RAB28: variants seen among roughly 807,000 people sequenced by gnomAD.
RAB28 encodes RAB28, member RAS oncogene family.
Under a neutral mutation model 31.7 loss-of-function variants are expected in RAB28, and 24 were observed. The observed-to-expected ratio is 0.76, with a 90% CI of 0.55 to 1.06. The LOEUF (loss-of-function observed/expected upper bound fraction) is 1.06. Among genes scored for constraint, RAB28 ranks in the 50% least tolerant of loss-of-function variants. The probability of loss-of-function intolerance (pLI) is 0.00; values close to 1 mark genes in which losing one functional copy is unlikely to be tolerated. For synonymous variants in RAB28, 100 were observed against 90.4 expected (o/e 1.11, Z -0.60); for missense variants, 254 against 258.5 (o/e 0.98, Z 0.12).
chr4:13,409,914 G>T (rs1166884769), intron 4 of RAB28, among the ~76,000 whole-genome samples: 2 of 152,166 alleles, frequency 1.3e-5, no homozygotes, highest in East Asian at 3.9e-4. Flanking sequence ...GTGATCCTGA[G>T]TGCTGGAGGT....
intron 1 of RAB28, among the ~76,000 whole-genome samples, chr4:13,480,405 T>A (rs2108978081): frequency 6.6e-6 from 1 of 152,046 alleles, no homozygotes; most frequent in Admixed American, 6.5e-5. Flanking sequence ...ACTAAGCTTT[T>A]ATGCTCTTCA....
chr4:13,398,777 C>CA (rs869245506), intron 4 of RAB28, among the ~76,000 whole-genome samples: 898 of 74,646 alleles, frequency 0.012, 4 homozygotes, highest in Admixed American at 0.022. Context: ...GACTCCGTTT[C>CA]AAAAAAAAAA....
intron 4 of RAB28, among the ~76,000 whole-genome samples, chr4:13,445,780 A>T (rs1180921824): frequency 6.6e-6 from 1 of 152,058 alleles, no homozygotes; most frequent in African/African-American, 2.4e-5. Flanking sequence ...CTCCTGTATG[A>T]AGTGTCTGTG....
chr4:13,444,027 T>C (rs1418518991), intron 4 of RAB28, among the ~76,000 whole-genome samples: 1 of 151,588 alleles, frequency 6.6e-6, no homozygotes, highest in Non-Finnish European at 1.5e-5. Context: ...CCTTTTTTTT[T>C]TTTTTTCTTT....
chr4:13,426,785 T>A (rs1463918085), intron 4 of RAB28, among the ~76,000 whole-genome samples: 27 of 152,164 alleles, frequency 1.8e-4, no homozygotes, highest in Admixed American at 1.8e-3. Context: ...ATCAAAACAT[T>A]TGGCTGACCT....
intron 4 of RAB28, among the ~76,000 whole-genome samples, chr4:13,409,331 A>C (rs548838812): frequency 9.2e-5 from 14 of 152,320 alleles, no homozygotes; most frequent in African/African-American, 2.9e-4. Flanking sequence ...TAGGCGGTAC[A>C]TTATAATTGA....
intron 4 of RAB28, among the ~76,000 whole-genome samples, chr4:13,428,574 T>C (rs536795199): frequency 3.3e-5 from 5 of 152,148 alleles, no homozygotes; most frequent in Admixed American, 2.6e-4. Context: ...AGAATGCAGA[T>C]GAAATAATCA....
intron 4 of RAB28, among the ~76,000 whole-genome samples, chr4:13,409,565 G>A (rs1712303869): frequency 6.6e-6 from 1 of 152,174 alleles, no homozygotes; most frequent in Non-Finnish European, 1.5e-5. Context: ...TCTGGCAGGA[G>A]CTGGAGGAAA....
chr4:13,375,405 T>C (rs930545461), intron 6 of RAB28, among the ~76,000 whole-genome samples: 1 of 152,184 alleles, frequency 6.6e-6, no homozygotes, highest in African/African-American at 2.4e-5. Context: ...AAATCACTTA[T>C]GATAATCATA....
intron 1 of RAB28, among the ~76,000 whole-genome samples, chr4:13,483,642 C>A (rs1340456143): frequency 6.6e-6 from 1 of 152,228 alleles, no homozygotes; most frequent in East Asian, 1.9e-4. Context: ...CCAATTCTCA[C>A]CCGGGGAATA....
chr4:13,423,112 A>C (rs912671716), intron 4 of RAB28, among the ~76,000 whole-genome samples: 6 of 152,188 alleles, frequency 3.9e-5, no homozygotes, highest in Middle Eastern at 6.3e-3. Context: ...AGATGGATAC[A>C]TATATGAAAA....
intron 3 of RAB28, among the ~76,000 whole-genome samples, chr4:13,468,688 C>T (rs1455546877): frequency 1.3e-5 from 2 of 149,372 alleles, no homozygotes; most frequent in African/African-American, 2.5e-5. Context: ...CAGTCAAAAG[C>T]GAGTAGAAGA....
At chr4:13,420,176 G>A (rs997541493) in intron 4 of RAB28, among the ~76,000 whole-genome samples, 19 of 152,106 alleles carry the variant, frequency 1.2e-4, no homozygotes, top group African/African-American at 3.6e-4. Flanking sequence ...ATACATTCCC[G>A]GAAACATACA....
At chr4:13,461,652 T>C (rs1319702428) in intron 3 of RAB28, among the ~76,000 whole-genome samples, 2 of 152,230 alleles carry the variant, frequency 1.3e-5, no homozygotes, top group African/African-American at 4.8e-5. Flanking sequence ...ATATATCATA[T>C]TCCTTTTAAT....
chr4:13,451,577 A>C (rs959854091), intron 4 of RAB28, among the ~76,000 whole-genome samples: 4 of 151,670 alleles, frequency 2.6e-5, no homozygotes, highest in African/African-American at 9.7e-5. Flanking sequence ...GAAGTTTTTA[A>C]ATTTGCAATA....
At chr4:13,417,507 G>A (rs76548970) in intron 4 of RAB28, among the ~76,000 whole-genome samples, 59 of 152,190 alleles carry the variant, frequency 3.9e-4, no homozygotes, top group Admixed American at 7.8e-4. Flanking sequence ...CCGACACCTC[G>A]TACAGGCAGG....
intron 4 of RAB28, among the ~76,000 whole-genome samples, chr4:13,440,619 A>G (rs773328794): frequency 4.6e-5 from 7 of 152,154 alleles, no homozygotes; most frequent in African/African-American, 7.2e-5. Flanking sequence ...TTCTAGCTTC[A>G]ACATTCTATG....
At chr4:13,461,456 C>A (rs1715588407) in intron 3 of RAB28, among the ~76,000 whole-genome samples, 1 of 152,136 alleles carries the variant, frequency 6.6e-6, no homozygotes, top group African/African-American at 2.4e-5. Context: ...AAACTCAGTT[C>A]CTTAAACTTG....
chr4:13,461,740 G>C (rs1157077947), intron 3 of RAB28, among the ~76,000 whole-genome samples: 1 of 152,170 alleles, frequency 6.6e-6, no homozygotes, highest in African/African-American at 2.4e-5. Flanking sequence ...TTCTCATCCA[G>C]TTTGTGGTCA....
Sources: allele counts gnomAD v4.1 joint callset (sites outside exome capture counted in the v4.1 genomes callset), GRCh38; gene constraint gnomAD v4.1.1; transcripts MANE v1.5; gene names NCBI Gene and HGNC (gene_info 2026-07-23, HGNC 2026-07-21).